The following ADGRA2 variants were observed in gnomAD, a reference collection of about 807,000 sequenced individuals.
ADGRA2 encodes adhesion G protein-coupled receptor A2, also known as G-protein coupled receptor 124.
A neutral mutation model predicts 98.7 loss-of-function variants in ADGRA2; 61 were observed. The ratio of observed to expected loss-of-function variants is 0.62; its 90% CI spans 0.50 to 0.76. The LOEUF (loss-of-function observed/expected upper bound fraction) is 0.76, where lower values mean the gene tolerates loss of function less well. ADGRA2 is among the 30% of genes least tolerant of loss of function. The pLI, the probability that ADGRA2 is intolerant of heterozygous loss-of-function variation, is 0.00. For missense variants in ADGRA2, 1,712 were observed against 1,860.0 expected, an observed-to-expected ratio of 0.92 and a Z score of 1.46; for synonymous variants, 858 against 831.5, an observed-to-expected ratio of 1.03 and a Z score of -0.55.
At chr8:37,825,957 G>A (rs939475880) in intron 2 of ADGRA2, among the ~76,000 whole-genome samples, 59 of 152,264 alleles carry the variant, frequency 3.9e-4, no homozygotes, top group African/African-American at 1.4e-3. Context: ...CGTGGAGGTG[G>A]AGGTGCCCTC....
Position 37,797,231 on chromosome 8 carries a change from G to T in ADGRA2, c.-38G>T, listed in dbSNP as rs1228876756. The T allele has an allele frequency of 8.3e-7, 1 of 1,211,064 alleles. No homozygotes were observed. The highest frequency in any genetic ancestry group is 1.0e-6 in the Non-Finnish European group (1 of 975,622). 75.0% of individuals were successfully genotyped at this position (1,211,064 alleles called of 1,614,324 possible). On this transcript the variant is annotated 5_prime_UTR_variant, in exon 1 of 19. Transcript: ENST00000412232. This position sits in a 1 kb window ranked among gnomAD's most constrained non-coding sequence, Gnocchi z 5.3. ...GGTCCCTCCGGCCGGCGCGCAGCCC[G>T]GCCCCAGCGCTGTGGGTCCCCGCGG...
chr8:37,798,924 G>A (rs971785526), intron 1 of ADGRA2, among the ~76,000 whole-genome samples: 5 of 152,236 alleles, frequency 3.3e-5, no homozygotes, highest in African/African-American at 1.2e-4. Context: ...GCCAGGGAAG[G>A]CACCTGTGGC....
intron 1 of ADGRA2, among the ~76,000 whole-genome samples, chr8:37,809,307 A>AAT (rs938856270): frequency 6.6e-6 from 1 of 151,598 alleles, no homozygotes; most frequent in Non-Finnish European, 1.5e-5. Flanking sequence ...TTAAAAAAAA[A>AAT]AAAAAAGACC....
intron 5 of ADGRA2, 24 bp from the exon 6 acceptor site, chr8:37,829,827 G>C (rs117467032): frequency 1.2e-6 from 2 of 1,600,144 alleles, no homozygotes; most frequent in African/African-American, 2.7e-5. Context: ...GCTCTGCTCC[G>C]TGACCCCTCT....
rs1189803345 is a variant in ADGRA2 at position 37,802,442 on chromosome 8, G to A, written c.266+4908G>A. Among the ~76,000 whole-genome samples the A allele has an allele frequency of 6.6e-6, 1 of 152,182 alleles. No individual in the cohort carries two copies. The highest frequency in any genetic ancestry group is 1.5e-5 in the Non-Finnish European group (1 of 68,026). ...GAGAGCTTTTGTGAGAGAAGAGGGG[G>A]AGGGGGAAAGAGCAAAGAAAAAGAA... On this transcript the variant is annotated intron_variant, in intron 1 of 18. Coordinates refer to ENST00000412232, the MANE Select transcript of ADGRA2 (RefSeq NM_032777.10). This position sits in a 1 kb window ranked among gnomAD's most constrained non-coding sequence, Gnocchi z 4.7.
In ADGRA2 at chr8:37,797,262, T is replaced by G; in HGVS notation, c.-7T>G. The G allele has an allele frequency of 8.0e-7, 1 of 1,255,180 alleles. No individual in the cohort carries two copies. The highest frequency in any genetic ancestry group is 1.0e-6 in the Non-Finnish European group (1 of 1,003,720). 77.8% of individuals were successfully genotyped at this position (1,255,180 alleles called of 1,614,324 possible). On this transcript the variant is annotated 5_prime_UTR_variant, in exon 1 of 19. The change abolishes an upstream ATG in the 5' untranslated region. Transcript: ENST00000412232. The surrounding 1 kb of genome is among the most constrained non-coding windows in gnomAD (Gnocchi z 5.3). Reference sequence around the variant, plus strand: ...AGCGCTGTGGGTCCCCGCGGGGCGATGGGTTGATGGGCGCCGGGGGACGCA... The same window carrying G: ...AGCGCTGTGGGTCCCCGCGGGGCGAGGGGTTGATGGGCGCCGGGGGACGCA...
intron 1 of ADGRA2, among the ~76,000 whole-genome samples, chr8:37,807,845 T>C (rs1192519124): frequency 2.0e-5 from 3 of 152,180 alleles, no homozygotes; most frequent in East Asian, 1.9e-4. Context: ...GAGGAGCTCA[T>C]TGGGTCTGAG....
Position 37,839,019 on chromosome 8 carries a change from C to A in ADGRA2, c.2323C>A (p.Pro775Thr). The A allele has an allele frequency of 6.2e-7, 1 of 1,605,038 alleles. No individual in the cohort carries two copies. The highest frequency in any genetic ancestry group is 8.5e-7 in the Non-Finnish European group (1 of 1,175,284). Residue 775 changes from proline (P) to threonine (T), a missense_variant, in exon 15 of 19, where the codon CCC (proline) becomes ACC (threonine). Coordinates refer to ENST00000412232, the MANE Select transcript of ADGRA2 (RefSeq NM_032777.10). Reference sequence around the variant, plus strand: ...GGCAGGGCTGCACCCCGTGGTATACCCCTGCACGGCCTTGCTGCTGCTCTG... The same window carrying A: ...GGCAGGGCTGCACCCCGTGGTATACACCTGCACGGCCTTGCTGCTGCTCTG... The part of the protein sequence containing the change: ...AGAGLHPVVY[P>T]CTALLLLCLF...
chr8:37,826,911 T>C (rs1805299947), intron 2 of ADGRA2, among the ~76,000 whole-genome samples: 1 of 151,234 alleles, frequency 6.6e-6, no homozygotes, highest in African/African-American at 2.5e-5. Context: ...CCCTCCTCCA[T>C]CTGGGCTGAG....
chr8:37,830,628 C>A lies in ADGRA2; in HGVS notation c.719-82C>A. On this transcript the variant is annotated intron_variant, in intron 6 of 18. Transcript: ENST00000412232. This position sits in a 1 kb window ranked among gnomAD's most constrained non-coding sequence, Gnocchi z 4.8. ...GCCGAGGGCCCCGCCCCGCCCCACC[C>A]CATCCTGCTGGACTCTCGCTCACAC... 5.6e-6 allele frequency: 4 copies of A among 711,444 alleles called. No homozygotes were observed. The highest frequency in any genetic ancestry group is 5.5e-5 in the East Asian group (2 of 36,178). 44.1% of individuals were successfully genotyped at this position (711,444 alleles called of 1,614,324 possible).
At position 37,834,861 on chromosome 8, in the gene ADGRA2, TA is replaced by T. The variant is rs112662645; in HGVS notation, c.1609-305del. Among the ~76,000 whole-genome samples the T allele has an allele frequency of 1.2e-3, 185 of 151,856 alleles. 1 individual carries two copies. The highest frequency in any genetic ancestry group is 4.1e-3 in the African/African-American group (168 of 41,418). ...GGGCAACATGGTGAAACCCCATCTC[TA>T]AAAAAAAGTTTTTAATTAGATGGGC... On this transcript the variant is annotated intron_variant, in intron 11 of 18. Transcript: ENST00000412232. The surrounding 1 kb of genome is among the most constrained non-coding windows in gnomAD (Gnocchi z 4.2).
intron 13 of ADGRA2, among the ~76,000 whole-genome samples, chr8:37,837,510 G>A (rs778869688): frequency 2.5e-4 from 38 of 152,318 alleles, no homozygotes; most frequent in Admixed American, 1.2e-3. Flanking sequence ...ACCACAGAGG[G>A]CTCACATTTT....
rs779327052 is a variant in ADGRA2, at chr8:37,844,617, A to G, written c.*2262A>G. 4 of 1,614,004 alleles carry G rather than the reference A, an allele frequency of 2.5e-6. No homozygotes were observed. The African/African-American group carries it at 5.3e-5, about 22-fold the overall frequency. On this transcript the variant is annotated 3_prime_UTR_variant, in exon 19 of 19. Coordinates refer to ENST00000412232, the MANE Select transcript of ADGRA2 (RefSeq NM_032777.10). The stretch of plus-strand genomic sequence containing the variant: ...ATCAGAAATGTTCTCATCTCCAGTG[A>G]CAGTGGAGACAGGGGGTACAGGGCA...
At chr8:37,823,670 A>T (rs1805188869) in intron 2 of ADGRA2, among the ~76,000 whole-genome samples, 1 of 152,192 alleles carries the variant, frequency 6.6e-6, no homozygotes, top group Non-Finnish European at 1.5e-5. Context: ...ACCATTTTAC[A>T]TTCCCACCAG....
At chr8:37,826,635 G>T (rs1230413629) in intron 2 of ADGRA2, among the ~76,000 whole-genome samples, 1 of 152,190 alleles carries the variant, frequency 6.6e-6, no homozygotes, top group East Asian at 1.9e-4. Context: ...GGGAAGGGCT[G>T]TGCACAGTGT....
chr8:37,804,130 C>CAT lies in ADGRA2; in HGVS notation c.266+6597_266+6598insTA, dbSNP rs1804590220. 2.2e-3 allele frequency among the ~76,000 whole-genome samples: 328 copies of CAT among 148,692 alleles called. 3 individuals carry two copies. Among genetic ancestry groups the CAT allele is most frequent in the East Asian group, 1.0e-2 (49 of 4,912 alleles). The stretch of plus-strand genomic sequence containing the variant: ...ACACACACACACACACACACACACA[C>CAT]ACACACACACACACACACACACGGC... On this transcript the variant is annotated intron_variant, in intron 1 of 18. Transcript: ENST00000412232.
intron 8 of ADGRA2, among the ~76,000 whole-genome samples, chr8:37,832,131 T>A (rs908121467): frequency 2.0e-5 from 3 of 151,546 alleles, no homozygotes; most frequent in African/African-American, 4.9e-5. Flanking sequence ...TTTTTTTTTT[T>A]GAGAGAGAGT....
chr8:37,797,512 C>G lies in ADGRA2; in HGVS notation c.244C>G (p.Leu82Val). 1 of 1,405,476 alleles carries G rather than the reference C, an allele frequency of 7.1e-7. No individual in the cohort carries two copies. Among genetic ancestry groups the G allele is most frequent in the Non-Finnish European group, 9.3e-7 (1 of 1,076,228 alleles). The allele number at this position is 1,405,476 out of a possible 1,614,324, so 87.1% of individuals were successfully genotyped here. A position where few individuals can be genotyped will look rare whatever the true frequency, so the allele number is the denominator to read the frequency against. Residue 82 changes from leucine to valine, a missense_variant, in exon 1 of 19, where the codon CTG becomes GTG. Transcript: ENST00000412232. This position sits in a 1 kb window ranked among gnomAD's most constrained non-coding sequence, Gnocchi z 5.3. ...CCCGGAGCCTCCCGAGCCCGGCCTT[C>G]TGCCTAACGGCACCGTTACCCTGTG... ...DLPEPPEPGL[L>V]PNGTVTLLLS...
intron 2 of ADGRA2, among the ~76,000 whole-genome samples, chr8:37,824,470 T>C (rs1268443459): frequency 1.3e-5 from 2 of 151,768 alleles, no homozygotes; most frequent in East Asian, 3.9e-4. Context: ...ACTTTCTTGA[T>C]GGTATCCTCT....
Sources: gnomAD v4.1 joint callset for allele counts (sites outside exome capture counted in the v4.1 genomes callset) on GRCh38, gnomAD v4.1.1 for gene constraint, Gnocchi (gnomAD v3.1) non-coding constraint, MANE v1.5 for transcripts, NCBI Gene and HGNC (gene_info 2026-07-23, HGNC 2026-07-21) for gene names.